Variants in CUL2 observed in about 807,000 individuals in gnomAD.
CUL2 encodes cullin 2.
In CUL2, 22 loss-of-function variants were observed where a neutral mutation model predicts 110.2. That is an observed-to-expected ratio of 0.20 (90% confidence interval 0.14 to 0.28). The LOEUF is 0.28. Ranked by LOEUF, CUL2 falls within the 10% of genes least tolerant of loss-of-function variation. CUL2 has a pLI of 1.00. For synonymous variants in CUL2, 279 were observed against 293.2 expected, an observed-to-expected ratio of 0.95 and a Z score of 0.49; for missense variants, 631 against 905.5, an observed-to-expected ratio of 0.70 and a Z score of 3.89.
Position 35,086,176 on chromosome 10 carries a change from G to A in CUL2, c.-23+4003C>T, listed in dbSNP as rs1218326904. On this transcript the variant is annotated intron_variant, in intron 1 of 20. Transcript: ENST00000374749. ...ATTGAGCCCCTGCACTCCAGACTGAGAGACTCTGTCTCAAAAAAAAAAAAG... is the reference window on the plus strand; with the variant it reads ...ATTGAGCCCCTGCACTCCAGACTGAAAGACTCTGTCTCAAAAAAAAAAAAG... Among the ~76,000 whole-genome samples, 9 of 148,288 alleles carry A rather than the reference G, an allele frequency of 6.1e-5. No homozygotes were observed. In the South Asian group the frequency reaches 1.7e-3, roughly 28 times the overall value.
At chr10:35,033,522 G>A (rs889364709) in intron 10 of CUL2, among the ~76,000 whole-genome samples, 10 of 152,090 alleles carry the variant, frequency 6.6e-5, no homozygotes, top group African/African-American at 2.4e-4. Flanking sequence ...GGATCATGAG[G>A]TCAGGAGATC....
chr10:35,045,287 A>G (rs1434505407), intron 6 of CUL2, among the ~76,000 whole-genome samples: 1 of 152,202 alleles, frequency 6.6e-6, no homozygotes, highest in African/African-American at 2.4e-5. Flanking sequence ...AGCTTTTCTA[A>G]TAAAAGGAAT....
chr10:35,071,463 GGC>G, intron 1 of CUL2, 124 bp from the exon 2 acceptor site: 1 of 760,772 alleles, frequency 1.3e-6, no homozygotes, highest in Non-Finnish European at 2.1e-6. Context: ...GGAGTGCAAT[GGC>G]GTGATCTTGG....
At chr10:35,025,763 A>T (rs2085322780) in intron 16 of CUL2, among the ~76,000 whole-genome samples, 1 of 152,216 alleles carries the variant, frequency 6.6e-6, no homozygotes, top group African/African-American at 2.4e-5. Flanking sequence ...GTAATTACAG[A>T]ACAAAAATAC....
chr10:35,091,437 T>C (rs537111367), upstream of CUL2, among the ~76,000 whole-genome samples: 5 of 152,206 alleles, frequency 3.3e-5, no homozygotes, highest in African/African-American at 1.2e-4. Context: ...CAGTAAAGGG[T>C]TTTTATATAC....
intron 1 of CUL2, among the ~76,000 whole-genome samples, chr10:35,084,763 C>CA (rs1322701539): frequency 6.6e-6 from 1 of 152,132 alleles, no homozygotes; most frequent in African/African-American, 2.4e-5. Context: ...TAACATGAGC[C>CA]AGTCATAAGT....
intron 8 of CUL2, among the ~76,000 whole-genome samples, chr10:35,041,449 C>T (rs2085785931): frequency 6.6e-6 from 1 of 152,220 alleles, no homozygotes; most frequent in Non-Finnish European, 1.5e-5. Flanking sequence ...TGTACTGACT[C>T]ATTCCCCAAT....
chr10:35,021,853 A>AGGTGAGGTGG (rs1564699322), intron 17 of CUL2, among the ~76,000 whole-genome samples: 1 of 31,262 alleles, frequency 3.2e-5, no homozygotes. Flanking sequence ...AGGTGAGGTG[A>AGGTGAGGTGG]GGTGAGGTGG....
chr10:35,044,434 A>C lies in CUL2; in HGVS notation c.714+132T>G, dbSNP rs1434708455. 7 of 569,904 alleles carry C rather than the reference A, an allele frequency of 1.2e-5. No homozygotes were observed. The East Asian group carries it at 1.5e-4, about 12-fold the overall frequency. 35.3% of individuals were successfully genotyped at this position (569,904 alleles called of 1,614,324 possible). ...TATATAATAACTGTAACTCAGAGTT[A>C]ATGATTAAATAGATTAAATAAACAG... On this transcript the variant is annotated intron_variant, in intron 8 of 20. Coordinates refer to ENST00000374749, the MANE Select transcript of CUL2 (RefSeq NM_003591.4).
At chr10:35,108,367 G>A (rs1000218352) in intron 1 of CUL2, among the ~76,000 whole-genome samples, 5 of 151,606 alleles carry the variant, frequency 3.3e-5, no homozygotes, top group Admixed American at 3.3e-4. Flanking sequence ...TAAGGTGGGA[G>A]GATCACCTGA....
chr10:35,103,308 ATT>A (rs67257350), intron 1 of CUL2, among the ~76,000 whole-genome samples: 27 of 94,540 alleles, frequency 2.9e-4, no homozygotes, highest in African/African-American at 9.6e-4. Flanking sequence ...GGCCAAGCTA[ATT>A]TTTTTTTTTT....
At chr10:35,100,250 A>G (rs1243153706) in intron 2 of CUL2, among the ~76,000 whole-genome samples, 2 of 152,222 alleles carry the variant, frequency 1.3e-5, no homozygotes, top group Non-Finnish European at 2.9e-5. Flanking sequence ...AAACATTCAC[A>G]ATATGAACTC....
chr10:35,034,424 C>T (rs1020903537), intron 10 of CUL2, among the ~76,000 whole-genome samples: 2 of 152,144 alleles, frequency 1.3e-5, no homozygotes, highest in African/African-American at 4.8e-5. Context: ...AAAATTATTA[C>T]TTGCCAAAAA....
chr10:35,099,738 C>T (rs2087350888), intron 2 of CUL2: 1 of 152,038 alleles, frequency 6.6e-6, no homozygotes, highest in South Asian at 2.1e-4. Context: ...CAGAGCAAGA[C>T]TCCACCCAAA....
At position 35,025,125 on chromosome 10, in the gene CUL2, A is replaced by C. The variant is rs759722735; in HGVS notation, c.1684+7T>G. On this transcript the variant is annotated splice_region_variant and intron_variant, in intron 17 of 20. Coordinates refer to ENST00000374749, the MANE Select transcript of CUL2 (RefSeq NM_003591.4). ...CATTAAGCCAGATATAATTAAATGC[A>C]TTTTACCTGTACACAGATAATGTAA... is the stretch of plus-strand genomic sequence containing the variant. 7 of 1,512,218 alleles carry C rather than the reference A, an allele frequency of 4.6e-6. No individual in the cohort carries two copies. The highest frequency in any genetic ancestry group is 1.4e-5 in the African/African-American group (1 of 70,020). The allele number at this position is 1,512,218 out of a possible 1,614,324, so 93.7% of individuals were successfully genotyped here.
upstream of CUL2, among the ~76,000 whole-genome samples, chr10:35,091,929 CCCCT>C (rs2135087947): frequency 6.6e-6 from 1 of 151,870 alleles, no homozygotes; most frequent in East Asian, 1.9e-4. Flanking sequence ...TGTCAGGCCC[CCCCT>C]GCTTTTTGTT....
chr10:35,043,440 T>A (rs947814114), intron 8 of CUL2, among the ~76,000 whole-genome samples: 4 of 152,098 alleles, frequency 2.6e-5, no homozygotes, highest in Non-Finnish European at 5.9e-5. Context: ...AGGAAGATAA[T>A]CAAACAACTA....
chr10:35,116,421 T>C (rs114557945), intron 1 of CUL2, among the ~76,000 whole-genome samples: 157 of 152,260 alleles, frequency 1.0e-3, no homozygotes, highest in African/African-American at 3.7e-3. Context: ...CTGAAAGGCA[T>C]AAACTACAAA....
intron 17 of CUL2, among the ~76,000 whole-genome samples, chr10:35,017,805 C>T (rs766502994): frequency 6.6e-6 from 1 of 150,654 alleles, no homozygotes; most frequent in Non-Finnish European, 1.5e-5. Flanking sequence ...AGCATGACAT[C>T]AGCACACTGA....
Sources: allele counts gnomAD v4.1 joint callset (sites outside exome capture counted in the v4.1 genomes callset), GRCh38; gene constraint gnomAD v4.1.1; transcripts MANE v1.5; gene names NCBI Gene and HGNC (gene_info 2026-07-23, HGNC 2026-07-21).